Variants in FAM120A observed in about 807,000 individuals in gnomAD.
FAM120A encodes family with sequence similarity 120 member A.
FAM120A carries 15 observed loss-of-function variants against 109.7 expected under a neutral mutation model. The ratio of observed to expected loss-of-function variants is 0.14; its 90% CI spans 0.09 to 0.21. FAM120A has a LOEUF of 0.21. FAM120A is among the 10% of genes least tolerant of loss of function. The pLI is 1.00. For synonymous variants in FAM120A, 493 were observed against 572.8 expected (o/e 0.86, Z 1.99); for missense variants, 899 against 1,439.3 (o/e 0.62, Z 6.07).
intron 3 of FAM120A, among the ~76,000 whole-genome samples, chr9:93,484,125 G>A (rs1858934723): frequency 6.6e-6 from 1 of 151,732 alleles, no homozygotes. Context: ...ATCATGTGCA[G>A]TACAGACGCA....
rs764664339 is a variant in FAM120A at position 93,532,373 on chromosome 9, G to T, written c.1909+44G>T. The stretch of plus-strand genomic sequence containing the variant: ...CATTGTTTGTTTTCCTCGGTACCTC[G>T]TAATCTCTTGTGCATTTTCTAAAGC... On this transcript the variant is annotated intron_variant, in intron 10 of 17. Transcript: ENST00000277165. This position sits in a 1 kb window ranked among gnomAD's most constrained non-coding sequence, Gnocchi z 4.3. The T allele has an allele frequency of 6.3e-7, 1 of 1,594,160 alleles. No individual in the cohort carries two copies. The highest frequency in any genetic ancestry group is 8.6e-7 in the Non-Finnish European group (1 of 1,162,296).
At chr9:93,563,164 G>A (rs1462728005) in intron 17 of FAM120A, among the ~76,000 whole-genome samples, 4 of 152,042 alleles carry the variant, frequency 2.6e-5, no homozygotes, top group Admixed American at 6.6e-5. Context: ...ATCTCCATCT[G>A]GGTTGATGAT....
At chr9:93,559,234 G>A (rs1238160715) in intron 15 of FAM120A, among the ~76,000 whole-genome samples, 2 of 152,128 alleles carry the variant, frequency 1.3e-5, no homozygotes, top group Non-Finnish European at 2.9e-5. Context: ...TTTGTATTAG[G>A]CTTGCAAAAG....
Position 93,532,062 on chromosome 9 carries a change from A to G in FAM120A, c.1735-93A>G. On this transcript the variant is annotated intron_variant, in intron 9 of 17. Transcript: ENST00000277165. The surrounding 1 kb of genome is among the most constrained non-coding windows in gnomAD (Gnocchi z 4.3). Reference sequence around the variant, plus strand: ...TGATTTGGAATGGAATTGCAATGTCATTAACTGGAGATAATACAGTATATT... The same window carrying G: ...TGATTTGGAATGGAATTGCAATGTCGTTAACTGGAGATAATACAGTATATT... 2 of 1,194,678 alleles carry G rather than the reference A, an allele frequency of 1.7e-6. No individual in the cohort carries two copies. The highest frequency in any genetic ancestry group is 1.4e-5 in the South Asian group (1 of 70,646). The allele number at this position is 1,194,678 out of a possible 1,614,324, so 74.0% of individuals were successfully genotyped here. A position where few individuals can be genotyped will look rare whatever the true frequency, so the allele number is the denominator to read the frequency against.
Position 93,452,759 on chromosome 9 carries a change from C to T in FAM120A, c.474+370C>T, listed in dbSNP as rs969493800. On this transcript the variant is annotated intron_variant, in intron 1 of 17. Transcript: ENST00000277165. The surrounding 1 kb of genome is among the most constrained non-coding windows in gnomAD (Gnocchi z 7.0). ...ACTCACCTTCAACTTTGACAAAATA[C>T]TCCCTTTTCTAATTTAGCCTGTTCT... is the stretch of plus-strand genomic sequence containing the variant. The T allele has an allele frequency of 1.3e-6, 2 of 1,596,882 alleles. No homozygotes were observed. The highest frequency in any genetic ancestry group is 1.7e-6 in the Non-Finnish European group (2 of 1,179,538).
At chr9:93,489,479 T>TCCAGTAGGACAGCTGAAGCCA (rs1859216491) in intron 3 of FAM120A, among the ~76,000 whole-genome samples, 1 of 152,212 alleles carries the variant, frequency 6.6e-6, no homozygotes, top group Non-Finnish European at 1.5e-5. Context: ...GAGCCCAGGT[T>TCCAGTAGGACAGCTGAAGCCA]CCAGTAGGAC....
rs2131357852 is a variant in FAM120A at position 93,500,420 on chromosome 9, C to T, written c.1030+1534C>T. On this transcript the variant is annotated intron_variant, in intron 5 of 17. Transcript: ENST00000277165. The surrounding 1 kb of genome is among the most constrained non-coding windows in gnomAD (Gnocchi z 4.6). Reference sequence around the variant, plus strand: ...CTGACCAGCTTGTGTTTGTGCCCTTCTGATTTGTGAGATCCAGGCTGTCGT... The same window carrying T: ...CTGACCAGCTTGTGTTTGTGCCCTTTTGATTTGTGAGATCCAGGCTGTCGT... 6.6e-6 allele frequency among the ~76,000 whole-genome samples: 1 copy of T among 152,308 alleles called. No individual in the cohort carries two copies. Among genetic ancestry groups the T allele is most frequent in the Admixed American group, 6.5e-5 (1 of 15,294 alleles).
At chr9:93,472,832 T>A (rs1858368684) in intron 2 of FAM120A, among the ~76,000 whole-genome samples, 1 of 152,182 alleles carries the variant, frequency 6.6e-6, no homozygotes, top group Non-Finnish European at 1.5e-5. Flanking sequence ...TTTCTCCCAA[T>A]CGGTCTCAAA....
At chr9:93,468,518 T>C (rs1300231343) in intron 1 of FAM120A, among the ~76,000 whole-genome samples, 1 of 152,354 alleles carries the variant, frequency 6.6e-6, no homozygotes, top group East Asian at 1.9e-4. Flanking sequence ...GTTTTTTTCT[T>C]TTAAAAGAGG....
At position 93,557,889 on chromosome 9, in the gene FAM120A, C is replaced by T; in HGVS notation, c.2547C>T (p.Ser849=). The T allele has an allele frequency of 6.2e-7, 1 of 1,613,294 alleles. No homozygotes were observed. The highest frequency in any genetic ancestry group is 8.5e-7 in the Non-Finnish European group (1 of 1,180,032). The change falls in exon 14 of 18, where the codon TCC becomes TCT. Residue 849 remains serine, a synonymous_variant. Transcript: ENST00000277165. ...GCGTCCTCGAGGGGCTCAGCTTCTCCAGGCAGAGCCACACGCTCCCTTTCC... is the reference window on the plus strand; with the variant it reads ...GCGTCCTCGAGGGGCTCAGCTTCTCTAGGCAGAGCCACACGCTCCCTTTCC... ...RQSVLEGLSF[S]RQSHTLPFPP...
intron 7 of FAM120A, among the ~76,000 whole-genome samples, 197 bp downstream of exon 7, chr9:93,516,466 A>G (rs1860592014): frequency 6.6e-6 from 1 of 152,176 alleles, no homozygotes; most frequent in Non-Finnish European, 1.5e-5. Flanking sequence ...TGAAGTTTCC[A>G]TGATTTAAAA....
chr9:93,529,861 G>T, intron 9 of FAM120A: 4 of 539,662 alleles, frequency 7.4e-6, no homozygotes, highest in South Asian at 2.7e-5. Flanking sequence ...TTTATGACTT[G>T]TAATTTTATT....
At chr9:93,555,204 A>G (rs1174810354) in intron 12 of FAM120A, among the ~76,000 whole-genome samples, 2 of 152,206 alleles carry the variant, frequency 1.3e-5, no homozygotes, top group Non-Finnish European at 2.9e-5. Flanking sequence ...TCACTTCCCA[A>G]CAACTGCATG....
At chr9:93,466,901 A>G (rs1476154490) in intron 1 of FAM120A, among the ~76,000 whole-genome samples, 7 of 152,154 alleles carry the variant, frequency 4.6e-5, no homozygotes, top group Non-Finnish European at 1.0e-4. Flanking sequence ...AAGTAATTTC[A>G]GAATTGTTAA....
intron 3 of FAM120A, among the ~76,000 whole-genome samples, chr9:93,486,810 A>G (rs546780719): frequency 2.6e-4 from 40 of 152,258 alleles, no homozygotes; most frequent in African/African-American, 8.7e-4. Context: ...CTGGGATTAC[A>G]GGCATGAGCC....
chr9:93,468,209 C>T (rs1858140034), intron 1 of FAM120A, among the ~76,000 whole-genome samples: 1 of 152,164 alleles, frequency 6.6e-6, no homozygotes, highest in African/African-American at 2.4e-5. Context: ...TGAGGTTCTA[C>T]TGCATATTGG....
At chr9:93,545,815 G>GT (rs1007247959) in intron 11 of FAM120A, among the ~76,000 whole-genome samples, 1 of 57,402 alleles carries the variant, frequency 1.7e-5, no homozygotes, top group Non-Finnish European at 3.6e-5. Flanking sequence ...TTGAGACGGA[G>GT]TTTTTTGCTC....
At position 93,497,613 on chromosome 9, in the gene FAM120A, C is replaced by A. The variant is rs547231752; in HGVS notation, c.933+14C>A. ...CAGCATTCACAGGTAAAAAAAAAAACAAACAAAACAAAAAAACAGATTCAT... is the reference window on the plus strand; with the variant it reads ...CAGCATTCACAGGTAAAAAAAAAAAAAAACAAAACAAAAAAACAGATTCAT... On this transcript the variant is annotated intron_variant, in intron 4 of 17. Transcript: ENST00000277165. The A allele has an allele frequency of 1.6e-5, 25 of 1,550,260 alleles. No individual in the cohort carries two copies. The highest frequency in any genetic ancestry group is 1.2e-4 in the African/African-American group (8 of 67,916).
intron 11 of FAM120A, among the ~76,000 whole-genome samples, chr9:93,548,144 T>C (rs1861958975): frequency 6.6e-6 from 1 of 152,082 alleles, no homozygotes; most frequent in Non-Finnish European, 1.5e-5. Context: ...CTTGCTCTGT[T>C]GCCCAGGCTG....
Sources: gnomAD v4.1 joint callset for allele counts (sites outside exome capture counted in the v4.1 genomes callset) on GRCh38, gnomAD v4.1.1 for gene constraint, Gnocchi (gnomAD v3.1) non-coding constraint, MANE v1.5 for transcripts, NCBI Gene and HGNC (gene_info 2026-07-23, HGNC 2026-07-21) for gene names.